KCNK13: variants seen among roughly 807,000 people sequenced by gnomAD.
KCNK13 encodes potassium two pore domain channel subfamily K member 13.
Under a neutral mutation model 23.4 loss-of-function variants are expected in KCNK13, and 12 were observed. The ratio of observed to expected loss-of-function variants is 0.51; its 90% CI spans 0.33 to 0.83. The LOEUF is 0.83. KCNK13 is among the 40% of genes least tolerant of loss of function. The pLI is 0.02. For missense variants in KCNK13, 463 were observed against 556.3 expected (o/e 0.83, Z 1.69); for synonymous variants, 231 against 229.5 (o/e 1.01, Z -0.06).
intron 1 of KCNK13, among the ~76,000 whole-genome samples, chr14:90,118,671 C>T (rs1889703693): frequency 6.6e-6 from 1 of 152,090 alleles, no homozygotes; most frequent in African/African-American, 2.4e-5. Flanking sequence ...TGAGGAACTG[C>T]CATACCGTTT....
At chr14:90,153,542 A>T (rs77770673) in intron 1 of KCNK13, among the ~76,000 whole-genome samples, 5 of 152,238 alleles carry the variant, frequency 3.3e-5, no homozygotes, top group Admixed American at 3.3e-4. Context: ...TTATGAGTCT[A>T]TTTTCACTAT....
chr14:90,068,922 C>T (rs890305604), intron 1 of KCNK13, among the ~76,000 whole-genome samples: 11 of 152,012 alleles, frequency 7.2e-5, no homozygotes, highest in African/African-American at 2.2e-4. Context: ...AGGGATGTGC[C>T]GGGCTCAGGC....
intron 1 of KCNK13, among the ~76,000 whole-genome samples, chr14:90,143,184 T>C (rs1402166031): frequency 2.4e-5 from 1 of 42,202 alleles, no homozygotes; most frequent in Non-Finnish European, 5.8e-5. Context: ...TCTTTTCTTT[T>C]CTTTTCTTTC....
At chr14:90,092,934 A>AAAAAAAAACAAC (rs1889366735) in intron 1 of KCNK13, among the ~76,000 whole-genome samples, 1 of 140,904 alleles carries the variant, frequency 7.1e-6, no homozygotes, top group Non-Finnish European at 1.6e-5. Context: ...AAAAAAAAAA[A>AAAAAAAAACAAC]GCATCACGAT....
intron 1 of KCNK13, among the ~76,000 whole-genome samples, chr14:90,170,460 C>T (rs557735102): frequency 1.3e-5 from 2 of 152,168 alleles, no homozygotes; most frequent in Non-Finnish European, 2.9e-5. Flanking sequence ...GTGATCCACC[C>T]GTCTCAGCCT....
At chr14:90,129,015 A>AGAT in intron 1 of KCNK13, among the ~76,000 whole-genome samples, 1 of 152,042 alleles carries the variant, frequency 6.6e-6, no homozygotes, top group Non-Finnish European at 1.5e-5. Flanking sequence ...TTGTTTTTTC[A>AGAT]AAATTTATAC....
In KCNK13 at chr14:90,184,992, G is replaced by A. The variant is rs1293021458; in HGVS notation, c.1216G>A (p.Gly406Arg). ...IMNNRLAETS[G>R]DR ...GAACAACAGGTTGGCAGAGACCAGTGGGGACAGGTAGAAGCCAGGAGTGGA... is the reference window on the plus strand; with the variant it reads ...GAACAACAGGTTGGCAGAGACCAGTAGGGACAGGTAGAAGCCAGGAGTGGA... Residue 406 changes from glycine to arginine, a missense_variant, in exon 2 of 2, where the codon GGG (glycine) becomes AGG (arginine). Physicochemically the swap from Gly to Arg is moderately radical, Grantham distance 125 (BLOSUM62 -2). Coordinates refer to ENST00000282146, the MANE Select transcript of KCNK13 (RefSeq NM_022054.4). The surrounding 1 kb of genome is among the most constrained non-coding windows in gnomAD (Gnocchi z 5.6). 1.3e-6 allele frequency: 2 copies of A among 1,589,438 alleles called. No homozygotes were observed. The highest frequency in any genetic ancestry group is 1.7e-6 in the Non-Finnish European group (2 of 1,167,290).
chr14:90,078,627 A>G (rs1052791600), intron 1 of KCNK13, among the ~76,000 whole-genome samples: 1 of 152,230 alleles, frequency 6.6e-6, no homozygotes, highest in Non-Finnish European at 1.5e-5. Flanking sequence ...GAAGGCAGGC[A>G]GGCAGGCAGG....
intron 1 of KCNK13, among the ~76,000 whole-genome samples, chr14:90,169,473 G>C (rs1045159389): frequency 2.0e-5 from 3 of 152,162 alleles, no homozygotes; most frequent in African/African-American, 7.2e-5. Context: ...ACTCAATGCT[G>C]CCTTATTTGA....
chr14:90,075,357 T>G (rs1315045451), intron 1 of KCNK13, among the ~76,000 whole-genome samples: 1 of 152,238 alleles, frequency 6.6e-6, no homozygotes, highest in Non-Finnish European at 1.5e-5. Flanking sequence ...TCCCAGGTCC[T>G]TGTTGTATCT....
chr14:90,118,880 T>C (rs1414700763), intron 1 of KCNK13, among the ~76,000 whole-genome samples: 1 of 151,998 alleles, frequency 6.6e-6, no homozygotes, highest in Non-Finnish European at 1.5e-5. Context: ...ATTACTAAGA[T>C]AGATAGTCCA....
intron 1 of KCNK13, among the ~76,000 whole-genome samples, chr14:90,090,605 A>G (rs1298770162): frequency 1.3e-5 from 2 of 152,112 alleles, no homozygotes; most frequent in Non-Finnish European, 2.9e-5. Context: ...TGAGGACATG[A>G]TATTTGAGAG....
chr14:90,121,302 A>C (rs1455516050), intron 1 of KCNK13, among the ~76,000 whole-genome samples: 1 of 152,228 alleles, frequency 6.6e-6, no homozygotes, highest in Non-Finnish European at 1.5e-5. Context: ...CAGGGATAGA[A>C]GAGAAGTTGC....
intron 1 of KCNK13, among the ~76,000 whole-genome samples, chr14:90,127,760 A>T (rs1348664582): frequency 6.8e-6 from 1 of 146,278 alleles, no homozygotes; most frequent in Non-Finnish European, 1.5e-5. Flanking sequence ...TCGAGGCTGC[A>T]GTGAGCCATG....
intron 1 of KCNK13, among the ~76,000 whole-genome samples, chr14:90,182,056 C>A (rs1321115551): frequency 1.3e-5 from 2 of 152,104 alleles, no homozygotes; most frequent in African/African-American, 4.8e-5. Context: ...ATGAAGGGCC[C>A]TAAGTAATTC....
chr14:90,105,823 T>C (rs959259370), intron 1 of KCNK13, among the ~76,000 whole-genome samples: 1 of 152,220 alleles, frequency 6.6e-6, no homozygotes, highest in Admixed American at 6.5e-5. Context: ...AAAATAATAA[T>C]AACAGTCCGA....
chr14:90,142,800 A>G (rs1288033016), intron 1 of KCNK13, among the ~76,000 whole-genome samples: 1 of 152,250 alleles, frequency 6.6e-6, no homozygotes, highest in Non-Finnish European at 1.5e-5. Context: ...ACATGTGCTT[A>G]TGTATGGGAG....
At chr14:90,134,629 T>G (rs1889913846) in intron 1 of KCNK13, among the ~76,000 whole-genome samples, 1 of 152,234 alleles carries the variant, frequency 6.6e-6, no homozygotes, top group Non-Finnish European at 1.5e-5. Context: ...TGCTAAGTGC[T>G]TTACATTAGT....
chr14:90,119,927 A>G (rs1889717490), intron 1 of KCNK13, among the ~76,000 whole-genome samples: 1 of 152,162 alleles, frequency 6.6e-6, no homozygotes, highest in African/African-American at 2.4e-5. Context: ...CTTAAAAAAA[A>G]TTTAGGTTCA....
Sources: gnomAD v4.1 joint callset for allele counts (sites outside exome capture counted in the v4.1 genomes callset) on GRCh38, gnomAD v4.1.1 for gene constraint, Gnocchi (gnomAD v3.1) non-coding constraint, MANE v1.5 for transcripts, NCBI Gene and HGNC (gene_info 2026-07-23, HGNC 2026-07-21) for gene names.